CACNA1C: variants seen among roughly 807,000 people sequenced by gnomAD.
CACNA1C encodes the protein calcium voltage-gated channel subunit alpha1 C, also known as voltage-dependent L-type calcium channel subunit alpha-1C.
Under a neutral mutation model 229.0 loss-of-function variants are expected in CACNA1C, and 30 were observed. The observed-to-expected ratio is 0.13, with a 90% CI of 0.10 to 0.18. CACNA1C has a LOEUF of 0.18. CACNA1C is among the 10% of genes least tolerant of loss of function. The probability of loss-of-function intolerance (pLI) is 1.00; values close to 1 mark genes in which losing one functional copy is unlikely to be tolerated. For synonymous variants in CACNA1C, 1,114 were observed against 1,132.5 expected (o/e 0.98, Z 0.33); for missense variants, 1,658 against 2,845.0 (o/e 0.58, Z 9.49).
chr12:2,278,548 G>A (rs2089851504), intron 3 of CACNA1C, among the ~76,000 whole-genome samples: 1 of 152,102 alleles, frequency 6.6e-6, no homozygotes, highest in Non-Finnish European at 1.5e-5. Flanking sequence ...ATTATTTTGA[G>A]GTTTACACAT....
rs760173547 is a variant in CACNA1C at position 2,611,917 on chromosome 12, C to T, written c.3732C>T (p.Ser1244=). ...ICLAMQHYGQ[S]CLFKIAMNIL... The stretch of plus-strand genomic sequence containing the variant: ...TCCTGATGCAGCACTACGGCCAGAG[C>T]TGCCTGTTCAAAATCGCCATGAACA... The change falls in exon 29 of 47, where the codon AGC becomes AGT. Residue 1244 remains serine (S), a synonymous_variant. Transcript: ENST00000399655. The T allele has an allele frequency of 1.9e-6, 3 of 1,611,762 alleles. No individual in the cohort carries two copies. In the African/African-American group the frequency reaches 4.0e-5, roughly 22 times the overall value.
intron 3 of CACNA1C, among the ~76,000 whole-genome samples, chr12:2,374,370 C>T (rs1359079005): frequency 1.3e-5 from 2 of 152,222 alleles, no homozygotes; most frequent in African/African-American, 4.8e-5. Flanking sequence ...ATTTGTGGCT[C>T]CCATTGGGGC....
At chr12:2,508,476 C>A (rs1016542134) in intron 8 of CACNA1C, among the ~76,000 whole-genome samples, 1 of 152,140 alleles carries the variant, frequency 6.6e-6, no homozygotes, top group African/African-American at 2.4e-5. Flanking sequence ...ATAGTGAGAC[C>A]CTTTCTCTAC....
chr12:1,993,044 A>T, intron 1 of CACNA1C: 1 of 686,286 alleles, frequency 1.5e-6, no homozygotes, highest in East Asian at 2.7e-5. Flanking sequence ...GACAGGGTTT[A>T]GGTTTATATC....
At chr12:1,986,730 A>G (rs2154471465) in intron 1 of CACNA1C, among the ~76,000 whole-genome samples, 1 of 152,136 alleles carries the variant, frequency 6.6e-6, no homozygotes, top group South Asian at 2.1e-4. Flanking sequence ...TTGATAAAAG[A>G]GGAAAGAATA....
chr12:2,627,667 C>G (rs886450772), intron 29 of CACNA1C, among the ~76,000 whole-genome samples: 1 of 152,120 alleles, frequency 6.6e-6, no homozygotes, highest in African/African-American at 2.4e-5. Flanking sequence ...TCCGGTGAAG[C>G]CATCTGTTGC....
intron 1 of CACNA1C, among the ~76,000 whole-genome samples, chr12:1,996,294 T>A (rs1489208333): frequency 6.6e-6 from 1 of 152,052 alleles, no homozygotes; most frequent in Non-Finnish European, 1.5e-5. Context: ...AATCTCAAAA[T>A]CCAGAGTCTG....
At chr12:2,074,939 C>T (rs1008449753) in intron 1 of CACNA1C, among the ~76,000 whole-genome samples, 1 of 152,184 alleles carries the variant, frequency 6.6e-6, no homozygotes, top group Admixed American at 6.5e-5. Flanking sequence ...AACCTGCCAA[C>T]ACCCACATGG....
At chr12:2,417,880 G>C (rs905303197) in intron 3 of CACNA1C, among the ~76,000 whole-genome samples, 2 of 152,076 alleles carry the variant, frequency 1.3e-5, no homozygotes, top group African/African-American at 4.8e-5. Flanking sequence ...AATGGCAAGG[G>C]GGGCCTCCCA....
chr12:2,165,798 G>T (rs943028822), intron 3 of CACNA1C, among the ~76,000 whole-genome samples: 1 of 152,188 alleles, frequency 6.6e-6, no homozygotes, highest in Non-Finnish European at 1.5e-5. Flanking sequence ...AGCACACAGT[G>T]TGCAGTAGGT....
intron 3 of CACNA1C, among the ~76,000 whole-genome samples, chr12:2,393,063 A>G (rs2098513914): frequency 1.3e-5 from 2 of 152,148 alleles, no homozygotes; most frequent in African/African-American, 4.8e-5. Context: ...CCTCAGCCAG[A>G]CCTCACCCTG....
At chr12:2,503,389 AC>A in intron 7 of CACNA1C, among the ~76,000 whole-genome samples, 3 of 152,372 alleles carry the variant, frequency 2.0e-5, no homozygotes, top group Admixed American at 2.0e-4. Flanking sequence ...CCAGAACTTA[AC>A]CCTGTTTAGT....
intron 3 of CACNA1C, among the ~76,000 whole-genome samples, chr12:2,305,220 G>A (rs2094918831): frequency 6.6e-6 from 1 of 152,218 alleles, no homozygotes; most frequent in Non-Finnish European, 1.5e-5. Flanking sequence ...CCCAGTACCT[G>A]GGTCTAGGAA....
intron 3 of CACNA1C, among the ~76,000 whole-genome samples, chr12:2,355,170 A>C (rs749598971): frequency 3.4e-4 from 51 of 152,222 alleles, no homozygotes; most frequent in Non-Finnish European, 6.3e-4. Flanking sequence ...CAACATTGCC[A>C]GGTCAGAGCT....
At chr12:2,466,563 C>T (rs541772870) in intron 5 of CACNA1C, among the ~76,000 whole-genome samples, 2 of 152,346 alleles carry the variant, frequency 1.3e-5, no homozygotes, top group African/African-American at 4.8e-5. Flanking sequence ...CCATCCCTTG[C>T]TTTTTCCACT....
chr12:2,578,112 C>T (rs2059202133), intron 13 of CACNA1C, among the ~76,000 whole-genome samples: 1 of 152,136 alleles, frequency 6.6e-6, no homozygotes, highest in South Asian at 2.1e-4. Context: ...TCGTGATCCG[C>T]CCGCCTCGGC....
At chr12:2,501,444 C>T (rs1328202514) in intron 7 of CACNA1C, among the ~76,000 whole-genome samples, 1 of 152,144 alleles carries the variant, frequency 6.6e-6, no homozygotes, top group Middle Eastern at 3.2e-3. Context: ...GAGTCCGATA[C>T]ACAACAGAAC....
chr12:2,030,948 G>A (rs2048115654), intron 1 of CACNA1C, among the ~76,000 whole-genome samples: 1 of 152,212 alleles, frequency 6.6e-6, no homozygotes, highest in Non-Finnish European at 1.5e-5. Context: ...GCTTTGTCCT[G>A]ACATCTTTGC....
intron 3 of CACNA1C, among the ~76,000 whole-genome samples, chr12:2,158,464 C>T (rs1245961591): frequency 6.6e-6 from 1 of 152,006 alleles, no homozygotes; most frequent in Non-Finnish European, 1.5e-5. Flanking sequence ...GTAGTCCCAG[C>T]TACTCAGGAG....
Sources: gnomAD v4.1 joint callset for allele counts (sites outside exome capture counted in the v4.1 genomes callset) on GRCh38, gnomAD v4.1.1 for gene constraint, MANE v1.5 for transcripts, NCBI Gene and HGNC (gene_info 2026-07-23, HGNC 2026-07-21) for gene names.